The following BLOC1S5 variants were observed in gnomAD, a reference collection of about 807,000 sequenced individuals.
BLOC1S5 encodes biogenesis of lysosome-related organelles complex 1 subunit 5.
BLOC1S5 carries 27 observed loss-of-function variants against 24.3 expected under a neutral mutation model. That is an observed-to-expected ratio of 1.11 (90% CI 0.82 to 1.53). BLOC1S5 has a LOEUF of 1.53. BLOC1S5 is among the 40% of genes most tolerant of loss of function. The pLI is 0.00. For missense variants in BLOC1S5, 239 were observed against 229.4 expected (o/e 1.04, Z -0.27); for synonymous variants, 84 against 74.5 (o/e 1.13, Z -0.66).
chr6:8,062,461 G>A lies in BLOC1S5; in HGVS notation c.195+73C>T, dbSNP rs1377884188. ...AACTAAAATCCGATTTTAAAACTGGGGAATTTCTCTTCTGTATAATAACAC... is the reference window on the plus strand; with the variant it reads ...AACTAAAATCCGATTTTAAAACTGGAGAATTTCTCTTCTGTATAATAACAC... On this transcript the variant is annotated intron_variant, in intron 2 of 4. Coordinates refer to ENST00000397457, the MANE Select transcript of BLOC1S5 (RefSeq NM_201280.3). 4 of 904,050 alleles carry A rather than the reference G, an allele frequency of 4.4e-6. No homozygotes were observed. The South Asian group carries it at 5.5e-5, about 13-fold the overall frequency. 56.0% of individuals were successfully genotyped at this position (904,050 alleles called of 1,614,324 possible). A position where few individuals can be genotyped will look rare whatever the true frequency, so the allele number is the denominator to read the frequency against.
Position 8,047,142 on chromosome 6 carries a change from C to CCTCTCTCT in BLOC1S5, c.196-5882_196-5875dup, listed in dbSNP as rs761994219. Among the ~76,000 whole-genome samples, 732 of 102,228 alleles carry CCTCTCTCT rather than the reference C, an allele frequency of 7.2e-3. 16 individuals are homozygous for CCTCTCTCT. The highest frequency in any genetic ancestry group is 0.025 in the African/African-American group (625 of 24,720). The allele number at this position is 102,228 out of a possible 152,430, so 67.1% of individuals were successfully genotyped here. ...TTGCCTTAAACAAACAATAAGACCA[C>CCTCTCTCT]CTCTCTCTCTCTCTCTCTCACACAC... On this transcript the variant is annotated intron_variant, in intron 2 of 4. Transcript: ENST00000397457.
At chr6:8,037,817 A>C (rs1246361096) in intron 3 of BLOC1S5, among the ~76,000 whole-genome samples, 3 of 152,184 alleles carry the variant, frequency 2.0e-5, no homozygotes, top group Admixed American at 2.0e-4. Context: ...CCCAGATATA[A>C]ACTCACACAT....
rs115321519 is a variant in BLOC1S5 at position 8,044,776 on chromosome 6, G to A, written c.196-3508C>T. Among the ~76,000 whole-genome samples, 1,442 of 152,242 alleles carry A rather than the reference G, an allele frequency of 9.5e-3. 24 individuals are homozygous for A. Among genetic ancestry groups the A allele is most frequent in the African/African-American group, 0.033 (1,373 of 41,528 alleles). The stretch of plus-strand genomic sequence containing the variant: ...TAGAGATCTGTGGAACTTTGAACTT[G>A]AGAGAGATCATTGAGAGTATCTGGT... On this transcript the variant is annotated intron_variant, in intron 2 of 4. Transcript: ENST00000397457.
intron 2 of BLOC1S5, among the ~76,000 whole-genome samples, chr6:8,047,488 T>C (rs1032556314): frequency 9.2e-5 from 14 of 152,210 alleles, no homozygotes; most frequent in Non-Finnish European, 1.0e-4. Flanking sequence ...TTCCCTCAAA[T>C]GTCCTATAAA....
intron 2 of BLOC1S5, among the ~76,000 whole-genome samples, chr6:8,044,283 C>CAAAAAA (rs1175141654): frequency 1.9e-4 from 17 of 88,938 alleles, no homozygotes; most frequent in Admixed American, 2.8e-4. Flanking sequence ...GACTCTGTCT[C>CAAAAAA]AAAAAAAAAA....
At chr6:8,034,012 C>T (rs1003715702) in intron 3 of BLOC1S5, among the ~76,000 whole-genome samples, 2 of 152,202 alleles carry the variant, frequency 1.3e-5, no homozygotes, top group Non-Finnish European at 2.9e-5. Context: ...GAAACAGGAT[C>T]GCTTTTACAC....
intron 2 of BLOC1S5, among the ~76,000 whole-genome samples, chr6:8,046,702 T>C (rs1351652090): frequency 1.3e-5 from 2 of 152,220 alleles, no homozygotes. Flanking sequence ...CTCTAGATTA[T>C]TTTGAAGCAA....
At chr6:8,054,379 G>A in intron 2 of BLOC1S5, 1 of 369,342 alleles carries the variant, frequency 2.7e-6, no homozygotes, top group South Asian at 2.1e-5. Flanking sequence ...CATTCTGTAA[G>A]TAAATATATA....
intron 2 of BLOC1S5, among the ~76,000 whole-genome samples, chr6:8,045,863 C>CAGGT: frequency 6.6e-6 from 1 of 152,288 alleles, no homozygotes; most frequent in South Asian, 2.1e-4. Flanking sequence ...TGCAGGCTTA[C>CAGGT]AGGTGAAAGG....
At chr6:8,042,013 G>C (rs1332060729) in intron 2 of BLOC1S5, 5 of 152,136 alleles carry the variant, frequency 3.3e-5, no homozygotes, top group Non-Finnish European at 7.4e-5. Flanking sequence ...ACTTATTACT[G>C]AAAATTTATG....
At chr6:8,023,063 C>T (rs1762980955) in intron 4 of BLOC1S5, among the ~76,000 whole-genome samples, 1 of 152,156 alleles carries the variant, frequency 6.6e-6, no homozygotes, top group Non-Finnish European at 1.5e-5. Flanking sequence ...TTGACACCAC[C>T]TGTGCATGAA....
intron 4 of BLOC1S5, among the ~76,000 whole-genome samples, chr6:8,016,322 T>C (rs181197757): frequency 1.5e-5 from 2 of 132,802 alleles, no homozygotes; most frequent in African/African-American, 6.3e-5. Flanking sequence ...TGAGACTCCG[T>C]CTCAAAAAAA....
chr6:8,057,191 C>T (rs1369524492), intron 2 of BLOC1S5, among the ~76,000 whole-genome samples: 2 of 151,938 alleles, frequency 1.3e-5, no homozygotes, highest in Admixed American at 1.3e-4. Flanking sequence ...TGTACTCCAG[C>T]CTGGGCAACA....
intron 3 of BLOC1S5, among the ~76,000 whole-genome samples, chr6:8,033,875 A>T (rs957553781): frequency 9.2e-5 from 14 of 152,248 alleles, no homozygotes; most frequent in South Asian, 2.1e-4. Context: ...GACACATGAA[A>T]AAATGCTCAT....
chr6:8,045,743 G>C (rs1581422298), intron 2 of BLOC1S5, among the ~76,000 whole-genome samples: 1 of 152,302 alleles, frequency 6.6e-6, no homozygotes, highest in Admixed American at 6.5e-5. Flanking sequence ...GACTTGCATG[G>C]GCACTGTAAT....
chr6:8,041,651 C>CTTT (rs1423781176), intron 2 of BLOC1S5, among the ~76,000 whole-genome samples: 2 of 48,620 alleles, frequency 4.1e-5, no homozygotes, highest in Admixed American at 2.5e-4. Context: ...TTCTTTCTTT[C>CTTT]TTTCTTTTTT....
intron 3 of BLOC1S5, among the ~76,000 whole-genome samples, chr6:8,027,744 C>T (rs141430257): frequency 6.1e-4 from 91 of 149,700 alleles, no homozygotes; most frequent in African/African-American, 2.1e-3. Flanking sequence ...TGAGCCAAGA[C>T]AATCGCTCGA....
intron 2 of BLOC1S5, among the ~76,000 whole-genome samples, chr6:8,056,218 C>T (rs184556619): frequency 1.1e-4 from 17 of 152,292 alleles, no homozygotes; most frequent in Admixed American, 8.5e-4. Flanking sequence ...TAGAGCATCA[C>T]GCAACAGACT....
intron 1 of BLOC1S5, 131 bp downstream of exon 1, chr6:8,064,134 C>G: frequency 1.5e-6 from 1 of 672,412 alleles, no homozygotes; most frequent in Non-Finnish European, 2.4e-6. Context: ...GGACCGACCA[C>G]GACTCCCCCA....
Sources: allele counts gnomAD v4.1 joint callset (sites outside exome capture counted in the v4.1 genomes callset), GRCh38; gene constraint gnomAD v4.1.1; transcripts MANE v1.5; gene names NCBI Gene and HGNC (gene_info 2026-07-23, HGNC 2026-07-21).